The following NCOA5 variants were observed in gnomAD, a reference collection of about 807,000 sequenced individuals.
NCOA5 encodes the protein NCoA-5.
Under a neutral mutation model 59.0 loss-of-function variants are expected in NCOA5, and 12 were observed. The ratio of observed to expected loss-of-function variants is 0.20; its 90% CI spans 0.13 to 0.33. The LOEUF is 0.33. NCOA5 is among the 10% of genes least tolerant of loss of function. The pLI, the probability that NCOA5 is intolerant of heterozygous loss-of-function variation, is 1.00. For synonymous variants in NCOA5, 270 were observed against 275.5 expected (o/e 0.98, Z 0.20); for missense variants, 655 against 766.6 (o/e 0.85, Z 1.72).
At chr20:46,086,050 A>G (rs894737559) in intron 1 of NCOA5, among the ~76,000 whole-genome samples, 6 of 152,270 alleles carry the variant, frequency 3.9e-5, no homozygotes, top group Middle Eastern at 3.4e-3. Flanking sequence ...CACCCTGGCT[A>G]ATTTTTTTTG....
At chr20:46,071,158 GAACAA>G (rs145573501) in intron 2 of NCOA5, among the ~76,000 whole-genome samples, 5 of 149,266 alleles carry the variant, frequency 3.3e-5, no homozygotes, top group Non-Finnish European at 5.9e-5. Flanking sequence ...AAAAAAAAGA[GAACAA>G]AACAAAACAA....
chr20:46,069,242 C>T (rs1351124140), intron 3 of NCOA5, among the ~76,000 whole-genome samples: 1 of 152,202 alleles, frequency 6.6e-6, no homozygotes, highest in African/African-American at 2.4e-5. Flanking sequence ...TCTCCCCAGC[C>T]ACTGGTAATC....
chr20:46,063,013 C>T lies in NCOA5; in HGVS notation c.1151-124G>A, dbSNP rs376367104. 3.6e-6 allele frequency: 3 copies of T among 832,966 alleles called. No individual in the cohort carries two copies. In the African/African-American group the frequency reaches 5.1e-5, roughly 14 times the overall value. The allele number at this position is 832,966 out of a possible 1,614,324, so 51.6% of individuals were successfully genotyped here. On this transcript the variant is annotated intron_variant, in intron 7 of 7. Transcript: ENST00000290231. ...TCATACAGTACACAGACGATAACATCAATTTCCCAAAGAGGCCGCTTCATG... is the reference window on the plus strand; with the variant it reads ...TCATACAGTACACAGACGATAACATTAATTTCCCAAAGAGGCCGCTTCATG...
At position 46,070,303 on chromosome 20, in the gene NCOA5, C is replaced by G. The variant is rs372623638; in HGVS notation, c.272G>C (p.Arg91Pro). Residue 91 changes from arginine (R) to proline (P), a missense_variant, in exon 3 of 8, where the codon CGT becomes CCT. Arg to Pro is a moderately radical substitution (Grantham distance 103). Transcript: ENST00000290231. Reference protein sequence around the residue: ...VRDVRDLRDFRDLRDSRDFRD... With the variant: ...VRDVRDLRDFPDLRDSRDFRD... ...AAAATCCCTAGAGTCTCTTAGATCA[C>G]GAAAGTCTCTAAGATCCCTCACGTC... 3.7e-6 allele frequency: 6 copies of G among 1,613,722 alleles called. No individual in the cohort carries two copies. The highest frequency in any genetic ancestry group is 5.1e-6 in the Non-Finnish European group (6 of 1,179,954).
At chr20:46,070,568 A>G in intron 2 of NCOA5, 32 bp from the exon 3 acceptor site, 1 of 1,595,800 alleles carries the variant, frequency 6.3e-7, no homozygotes, top group African/African-American at 1.3e-5. Context: ...TGCTAAGACA[A>G]AGAAATTGAA....
In NCOA5 at chr20:46,063,606, G is replaced by A. The variant is rs749845429; in HGVS notation, c.904C>T (p.Arg302Trp). Reference protein sequence around the residue: ...RNYERYKNECREKEREEIARQ... With the variant: ...RNYERYKNECWEKEREEIARQ... ...GCAATCTCCTCACGTTCCTTCTCCC[G>A]GCACTCATTCTTGTAACGCTCATAA... The change falls in exon 7 of 8, where the codon CGG becomes TGG. Residue 302 changes from arginine (R) to tryptophan (W), a missense_variant. Physicochemically the swap from Arg to Trp is moderately radical, Grantham distance 101. Transcript: ENST00000290231. 3.7e-6 allele frequency: 6 copies of A among 1,613,930 alleles called. No homozygotes were observed. The highest frequency in any genetic ancestry group is 5.1e-6 in the Non-Finnish European group (6 of 1,180,038).
At chr20:46,083,383 C>T (rs2085012801) in intron 1 of NCOA5, among the ~76,000 whole-genome samples, 1 of 152,136 alleles carries the variant, frequency 6.6e-6, no homozygotes, top group Admixed American at 6.5e-5. Flanking sequence ...CTTTTTGCTC[C>T]TTGTCTCTGC....
chr20:46,062,870 T>C lies in NCOA5; in HGVS notation c.1170A>G (p.Pro390=), dbSNP rs1276739734. 4 of 1,517,240 alleles carry C rather than the reference T, an allele frequency of 2.6e-6. No individual in the cohort carries two copies. The highest frequency in any genetic ancestry group is 2.6e-6 in the Non-Finnish European group (3 of 1,133,980). 94.0% of individuals were successfully genotyped at this position (1,517,240 alleles called of 1,614,324 possible). ...GCGAGGCACCCGAGGTCGCCCCGAG[T>C]GGTTGGCGGGAAATCGGGCCTGGAA... ...DSLPGPISRQ[P]LGATSGASLK... The change falls in exon 8 of 8, where the codon CCA becomes CCG. Residue 390 remains proline, a synonymous_variant. Coordinates refer to ENST00000290231, the MANE Select transcript of NCOA5 (RefSeq NM_020967.3).
intron 2 of NCOA5, among the ~76,000 whole-genome samples, chr20:46,077,643 A>G (rs1015919201): frequency 6.6e-6 from 1 of 152,186 alleles, no homozygotes. Context: ...TGTCTTTTAT[A>G]GTTACAAATT....
chr20:46,063,510 C>T lies in NCOA5; in HGVS notation c.1000G>A (p.Val334Met). Residue 334 changes from valine (V) to methionine (M), a missense_variant, in exon 7 of 8, where the codon GTG becomes ATG. Physicochemically the swap from Val to Met is conservative, Grantham distance 21. Transcript: ENST00000290231. ...ATGGCTGGAGGGTGGCCCCCACGCA[C>T]TCCCTCCTCAGGGCCTCCTCTCTCT... ...ERERGGPEEGVRGGHPPAIQS... is the reference protein window; with the variant it reads ...ERERGGPEEGMRGGHPPAIQS... 6.2e-7 allele frequency: 1 copy of T among 1,614,228 alleles called. No homozygotes were observed. Among genetic ancestry groups the T allele is most frequent in the Non-Finnish European group, 8.5e-7 (1 of 1,180,038 alleles).
intron 2 of NCOA5, among the ~76,000 whole-genome samples, chr20:46,078,507 G>A (rs1388551394): frequency 1.3e-5 from 2 of 150,500 alleles, no homozygotes; most frequent in Non-Finnish European, 2.9e-5. Context: ...GGGAAAACTG[G>A]CTTTTTTACT....
rs554874114 is a variant in NCOA5, at chr20:46,062,624, C to T, written c.1416G>A (p.Gln472=). 1 of 1,614,226 alleles carries T rather than the reference C, an allele frequency of 6.2e-7. No homozygotes were observed. The highest frequency in any genetic ancestry group is 1.1e-5 in the South Asian group (1 of 91,088). ...NQNFSTAANS[Q]PQQRSQASGN... ...CAGAAGCCTGTGATCTTTGTTGAGG[C>T]TGGCTGTTTGCTGCTGTGGAAAAAT... Residue 472 remains glutamine (Q), a synonymous_variant, in exon 8 of 8, where the codon CAG becomes CAA. Coordinates refer to ENST00000290231, the MANE Select transcript of NCOA5 (RefSeq NM_020967.3).
At chr20:46,065,477 C>T (rs760665313) in intron 5 of NCOA5, among the ~76,000 whole-genome samples, 4 of 152,172 alleles carry the variant, frequency 2.6e-5, no homozygotes, top group Admixed American at 2.0e-4. Context: ...GATTCTCTAG[C>T]CCTGTGGTCC....
chr20:46,069,141 CATT>C (rs930719376), intron 3 of NCOA5, among the ~76,000 whole-genome samples: 1 of 152,046 alleles, frequency 6.6e-6, no homozygotes, highest in African/African-American at 2.4e-5. Context: ...AATTCAGTGG[CATT>C]ATATTCACAA....
Position 46,062,858 on chromosome 20 carries a change from G to C in NCOA5, c.1182C>G (p.Thr394=). The part of the protein sequence containing the change: ...GPISRQPLGA[T]SGASLKTQPS... ...GCTGTGTCTTCAGCGAGGCACCCGAGGTCGCCCCGAGTGGTTGGCGGGAAA... is the reference window on the plus strand; with the variant it reads ...GCTGTGTCTTCAGCGAGGCACCCGACGTCGCCCCGAGTGGTTGGCGGGAAA... The change falls in exon 8 of 8, where the codon ACC becomes ACG. Residue 394 remains threonine (T), a synonymous_variant. Coordinates refer to ENST00000290231, the MANE Select transcript of NCOA5 (RefSeq NM_020967.3). The C allele has an allele frequency of 6.6e-7, 1 of 1,522,598 alleles. No individual in the cohort carries two copies. The highest frequency in any genetic ancestry group is 8.8e-7 in the Non-Finnish European group (1 of 1,136,234). The allele number at this position is 1,522,598 out of a possible 1,614,324, so 94.3% of individuals were successfully genotyped here.
intron 4 of NCOA5, among the ~76,000 whole-genome samples, chr20:46,068,015 C>A (rs1160033635): frequency 2.6e-5 from 4 of 151,996 alleles, no homozygotes; most frequent in African/African-American, 9.7e-5. Context: ...GCTGAGACCT[C>A]AACATCCTAG....
At chr20:46,079,688 G>A (rs924422948) in intron 1 of NCOA5, among the ~76,000 whole-genome samples, 5 of 152,162 alleles carry the variant, frequency 3.3e-5, no homozygotes, top group Admixed American at 6.5e-5. Flanking sequence ...CACGTAATTT[G>A]TCTTAAACTA....
chr20:46,070,945 T>C (rs889105956), intron 2 of NCOA5, among the ~76,000 whole-genome samples: 5 of 152,172 alleles, frequency 3.3e-5, no homozygotes, highest in African/African-American at 1.2e-4. Context: ...TCAAAGGAAC[T>C]GTCCTTAAAG....
At chr20:46,069,904 G>A (rs1277696390) in intron 3 of NCOA5, among the ~76,000 whole-genome samples, 4 of 152,100 alleles carry the variant, frequency 2.6e-5, no homozygotes, top group East Asian at 1.9e-4. Context: ...GTAATTCTAT[G>A]TTTAACTTTT....
Sources: allele counts gnomAD v4.1 joint callset (sites outside exome capture counted in the v4.1 genomes callset), GRCh38; gene constraint gnomAD v4.1.1; transcripts MANE v1.5; gene names NCBI Gene and HGNC (gene_info 2026-07-23, HGNC 2026-07-21).